CCDC148: variants seen among roughly 807,000 people sequenced by gnomAD.
The protein encoded by CCDC148 is coiled-coil domain-containing protein 148.
CCDC148 carries 89 observed loss-of-function variants against 85.7 expected under a neutral mutation model. That is an observed-to-expected ratio of 1.04 (90% CI 0.87 to 1.24). The LOEUF (loss-of-function observed/expected upper bound fraction) is 1.24. Ranked by LOEUF, CCDC148 falls within the 50% of genes most tolerant of loss-of-function variation. CCDC148 has a pLI of 0.00. For synonymous variants in CCDC148, 230 were observed against 213.9 expected, an observed-to-expected ratio of 1.08 and a Z score of -0.66; for missense variants, 692 against 671.7, an observed-to-expected ratio of 1.03 and a Z score of -0.33.
chr2:158,333,391 A>C (rs1386752345), intron 7 of CCDC148, among the ~76,000 whole-genome samples: 1 of 152,124 alleles, frequency 6.6e-6, no homozygotes, highest in African/African-American at 2.4e-5. Context: ...ACTGTTTGTT[A>C]TGATTTCTGT....
At chr2:158,354,253 C>T (rs1167951109) in intron 2 of CCDC148, among the ~76,000 whole-genome samples, 1 of 151,836 alleles carries the variant, frequency 6.6e-6, no homozygotes, top group East Asian at 1.9e-4. Context: ...GAAATAGAGA[C>T]ACAAAAAACC....
At chr2:158,191,738 G>A (rs189351750) in intron 11 of CCDC148, among the ~76,000 whole-genome samples, 113 of 152,052 alleles carry the variant, frequency 7.4e-4, no homozygotes, top group African/African-American at 2.5e-3. Context: ...ACCTACCTTA[G>A]CAGTTTCCGT....
chr2:158,251,478 C>T (rs1299755689), intron 9 of CCDC148, among the ~76,000 whole-genome samples: 4 of 151,634 alleles, frequency 2.6e-5, no homozygotes, highest in Non-Finnish European at 5.9e-5. Flanking sequence ...TGTAAATATG[C>T]GTCACAATAT....
intron 9 of CCDC148, among the ~76,000 whole-genome samples, chr2:158,285,274 G>C (rs1350318687): frequency 1.5e-5 from 2 of 132,694 alleles, no homozygotes; most frequent in African/African-American, 2.8e-5. Context: ...GGCAGCAGGA[G>C]TAAAACTCCA....
intron 2 of CCDC148, among the ~76,000 whole-genome samples, chr2:158,352,621 G>T (rs1469950426): frequency 3.9e-5 from 6 of 152,094 alleles, no homozygotes; most frequent in African/African-American, 1.2e-4. Flanking sequence ...GAAAGTGATG[G>T]GAAGAATGGA....
At position 158,311,991 on chromosome 2, in the gene CCDC148, A is replaced by G. The variant is rs115152727; in HGVS notation, c.903+1765T>C. On this transcript the variant is annotated intron_variant, in intron 8 of 13. Transcript: ENST00000283233. Reference sequence around the variant, plus strand: ...ATTCTGAAATGCTCCTCAGAAAAACATGTGTCTTCCAAAATTGAGAGTCAC... The same window carrying G: ...ATTCTGAAATGCTCCTCAGAAAAACGTGTGTCTTCCAAAATTGAGAGTCAC... Among the ~76,000 whole-genome samples, 743 of 152,240 alleles carry G rather than the reference A, an allele frequency of 4.9e-3. 2 individuals are homozygous for G. The highest frequency in any genetic ancestry group is 0.017 in the African/African-American group (714 of 41,530).
intron 9 of CCDC148, among the ~76,000 whole-genome samples, chr2:158,306,247 G>A (rs1468030395): frequency 2.0e-5 from 3 of 151,922 alleles, no homozygotes; most frequent in African/African-American, 7.3e-5. Flanking sequence ...TTTTGGCCAG[G>A]TGCGGTGGCT....
At chr2:158,305,805 C>A (rs1691658672) in intron 9 of CCDC148, among the ~76,000 whole-genome samples, 1 of 150,118 alleles carries the variant, frequency 6.7e-6, no homozygotes, top group African/African-American at 2.5e-5. Context: ...GAGGCACAGG[C>A]TCACCAGGAA....
At chr2:158,433,278 A>ATATATATATATATATATATATATATAT (rs1193160417) in intron 1 of CCDC148, among the ~76,000 whole-genome samples, 4 of 127,606 alleles carry the variant, frequency 3.1e-5, no homozygotes, top group Non-Finnish European at 7.3e-5. Flanking sequence ...ATATATATAT[A>ATATATATATATATATATATATATATAT]AAACAAAAGC....
At chr2:158,330,657 T>C (rs1430722143) in intron 7 of CCDC148, among the ~76,000 whole-genome samples, 3 of 152,214 alleles carry the variant, frequency 2.0e-5, no homozygotes, top group African/African-American at 7.2e-5. Flanking sequence ...TTTTGGTTGG[T>C]AGGCTATTAA....
intron 11 of CCDC148, among the ~76,000 whole-genome samples, chr2:158,180,307 A>C (rs777587871): frequency 6.6e-6 from 1 of 152,202 alleles, no homozygotes; most frequent in Non-Finnish European, 1.5e-5. Flanking sequence ...TTTAGACCTC[A>C]CAACAATCAC....
At chr2:158,248,624 C>T (rs1688667518) in intron 10 of CCDC148, among the ~76,000 whole-genome samples, 1 of 152,084 alleles carries the variant, frequency 6.6e-6, no homozygotes, top group Non-Finnish European at 1.5e-5. Context: ...ATACATGTAA[C>T]ACCCTGCATG....
chr2:158,178,777 A>G, intron 12 of CCDC148, 102 bp downstream of exon 12: 2 of 771,684 alleles, frequency 2.6e-6, no homozygotes, highest in Non-Finnish European at 4.4e-6. Flanking sequence ...AATTTTATAT[A>G]GCAGATGTCA....
intron 11 of CCDC148, among the ~76,000 whole-genome samples, chr2:158,181,268 A>G (rs1160965538): frequency 5.3e-5 from 8 of 152,174 alleles, no homozygotes; most frequent in Admixed American, 4.6e-4. Context: ...ACTAGTGAGG[A>G]AGAAATTGCA....
intron 9 of CCDC148, among the ~76,000 whole-genome samples, chr2:158,307,473 T>A (rs968876274): frequency 2.0e-5 from 3 of 152,248 alleles, no homozygotes; most frequent in African/African-American, 7.2e-5. Context: ...GTATAACCAC[T>A]TTGGAAAACT....
intron 9 of CCDC148, among the ~76,000 whole-genome samples, chr2:158,302,476 C>G (rs1691489471): frequency 6.6e-6 from 1 of 152,032 alleles, no homozygotes; most frequent in Admixed American, 6.5e-5. Flanking sequence ...AGCCACCCAG[C>G]ATGGAAGCAA....
intron 9 of CCDC148, among the ~76,000 whole-genome samples, chr2:158,294,849 C>G (rs1162870515): frequency 1.3e-5 from 2 of 149,478 alleles, no homozygotes; most frequent in Non-Finnish European, 3.0e-5. Context: ...AAAAACCTGC[C>G]AAAATGTTGC....
intron 11 of CCDC148, 53 bp downstream of exon 11, chr2:158,220,542 A>G: frequency 8.2e-7 from 1 of 1,221,232 alleles, no homozygotes; most frequent in Non-Finnish European, 1.2e-6. Context: ...AACACTTTAC[A>G]AAAGACTCCA....
In CCDC148 at chr2:158,381,282, C is replaced by T. The variant is rs145057067; in HGVS notation, c.26-22712G>A. 1.7e-3 allele frequency among the ~76,000 whole-genome samples: 264 copies of T among 152,144 alleles called. 1 individual carries two copies. Among genetic ancestry groups the T allele is most frequent in the African/African-American group, 5.8e-3 (240 of 41,532 alleles). ...TACAAATTAATGAGAAAAAGGCAGA[C>T]GACCCAATAAAAAATGGGGCAGAAG... On this transcript the variant is annotated intron_variant, in intron 1 of 13. Coordinates refer to ENST00000283233, the MANE Select transcript of CCDC148 (RefSeq NM_138803.4).
Sources: gnomAD v4.1 joint callset for allele counts (sites outside exome capture counted in the v4.1 genomes callset) on GRCh38, gnomAD v4.1.1 for gene constraint, MANE v1.5 for transcripts, NCBI Gene and HGNC (gene_info 2026-07-23, HGNC 2026-07-21) for gene names.